The following LY75 variants were observed in gnomAD, a reference collection of about 807,000 sequenced individuals.
LY75 encodes lymphocyte antigen 75, also known as C-type lectin domain family 13 member B.
A neutral mutation model predicts 231.7 loss-of-function variants in LY75; 185 were observed. That is an observed-to-expected ratio of 0.80 (90% CI 0.71 to 0.90). The LOEUF (loss-of-function observed/expected upper bound fraction) is 0.90. Among genes scored for constraint, LY75 ranks in the 40% least tolerant of loss-of-function variants. The probability of loss-of-function intolerance (pLI) is 0.00; values close to 1 mark genes in which losing one functional copy is unlikely to be tolerated. For missense variants in LY75, 1,947 were observed against 2,050.2 expected (o/e 0.95, Z 0.97); for synonymous variants, 668 against 689.0 (o/e 0.97, Z 0.48).
At chr2:159,829,591 T>C (rs16844374) in intron 28 of LY75, among the ~76,000 whole-genome samples, 24,568 of 152,154 alleles carry the variant, frequency 0.16, 2,293 homozygotes, top group East Asian at 0.32. Flanking sequence ...GGCCCTGCTA[T>C]TGAAAAGTCA....
chr2:159,813,355 A>T (rs1683023896), intron 31 of LY75, among the ~76,000 whole-genome samples: 1 of 145,250 alleles, frequency 6.9e-6, no homozygotes, highest in Non-Finnish European at 1.5e-5. Flanking sequence ...TTGAAGATCC[A>T]GTTTTTAAAG....
Position 159,904,574 on chromosome 2 carries a change from C to T in LY75, c.94+15G>A, listed in dbSNP as rs1208781912. On this transcript the variant is annotated intron_variant, in intron 1 of 34. Transcript: ENST00000263636. Reference sequence around the variant, plus strand: ...GGCACCCAGCGGACTGCGGGGCTGGCGTGCCCGCGGTTACCTGCGCGGCCA... The same window carrying T: ...GGCACCCAGCGGACTGCGGGGCTGGTGTGCCCGCGGTTACCTGCGCGGCCA... 1 of 1,505,136 alleles carries T rather than the reference C, an allele frequency of 6.6e-7. No individual in the cohort carries two copies. Among genetic ancestry groups the T allele is most frequent in the South Asian group, 1.2e-5 (1 of 81,182 alleles). The allele number at this position is 1,505,136 out of a possible 1,614,324, so 93.2% of individuals were successfully genotyped here. A position where few individuals can be genotyped will look rare whatever the true frequency, so the allele number is the denominator to read the frequency against.
At chr2:159,883,051 T>C (rs537631446) in intron 6 of LY75, among the ~76,000 whole-genome samples, 1 of 149,088 alleles carries the variant, frequency 6.7e-6, no homozygotes, top group East Asian at 2.0e-4. Flanking sequence ...GTGAGTTGGT[T>C]ACTCAGACTT....
chr2:159,900,891 T>G (rs1198545936), intron 1 of LY75, among the ~76,000 whole-genome samples: 2 of 151,988 alleles, frequency 1.3e-5, no homozygotes, highest in African/African-American at 2.4e-5. Context: ...CAGGCTGGAG[T>G]GCAGTGGCAC....
chr2:159,864,963 C>CTGTAAAT, intron 13 of LY75, 43 bp from the exon 14 acceptor site: 1 of 1,548,352 alleles, frequency 6.5e-7, no homozygotes, highest in Non-Finnish European at 8.7e-7. Context: ...CAATGCTTGG[C>CTGTAAAT]AAAAATATTT....
intron 4 of LY75, among the ~76,000 whole-genome samples, chr2:159,888,710 G>A (rs1316834848): frequency 6.6e-6 from 1 of 152,158 alleles, no homozygotes; most frequent in Non-Finnish European, 1.5e-5. Context: ...AACAACCCAT[G>A]AGACCCATTT....
At chr2:159,806,890 C>G in intron 34 of LY75, 83 bp downstream of exon 34, 1 of 1,474,962 alleles carries the variant, frequency 6.8e-7, no homozygotes, top group Non-Finnish European at 9.0e-7. Flanking sequence ...AGACTAAATA[C>G]AGAATTTTGT....
chr2:159,840,285 T>C (rs967751973), intron 25 of LY75, among the ~76,000 whole-genome samples: 5 of 152,180 alleles, frequency 3.3e-5, no homozygotes, highest in African/African-American at 9.6e-5. Flanking sequence ...AAACCACATA[T>C]TGCTGCTAGG....
intron 20 of LY75, 99 bp downstream of exon 20, chr2:159,853,174 C>A: frequency 7.9e-7 from 1 of 1,259,430 alleles, no homozygotes; most frequent in Admixed American, 2.2e-5. Context: ...ATGAAATTAC[C>A]AAACATATAA....
At chr2:159,837,179 C>T (rs1272468565) in intron 25 of LY75, among the ~76,000 whole-genome samples, 1 of 152,168 alleles carries the variant, frequency 6.6e-6, no homozygotes, top group Non-Finnish European at 1.5e-5. Flanking sequence ...TACCAAAATA[C>T]ACCTGCGCTC....
At chr2:159,876,917 G>A (rs1429010558) in intron 11 of LY75, among the ~76,000 whole-genome samples, 1 of 143,854 alleles carries the variant, frequency 7.0e-6, no homozygotes, top group Non-Finnish European at 1.5e-5. Context: ...GCTGAGGCAG[G>A]AGAATTGTTT....
Position 159,819,760 on chromosome 2 carries a change from G to A in LY75, c.4119C>T (p.His1373=), listed in dbSNP as rs532499860. The A allele has an allele frequency of 2.5e-6, 4 of 1,613,442 alleles. No homozygotes were observed. Among genetic ancestry groups the A allele is most frequent in the Non-Finnish European group, 3.4e-6 (4 of 1,179,816 alleles). ...TTTTACAAGCAAGAATGCTGTGCTG[G>A]TGAAAATAAACTGCTTCTTCAATAA... ...FKVIEEAVYF[H]QHSILACKIE... Residue 1373 remains histidine, a synonymous_variant, in exon 29 of 35, where the codon CAC becomes CAT. Coordinates refer to ENST00000263636, the MANE Select transcript of LY75 (RefSeq NM_002349.4).
chr2:159,831,612 ATTATG>A (rs1683662887), intron 28 of LY75, 53 bp downstream of exon 28: 2 of 1,561,816 alleles, frequency 1.3e-6, no homozygotes, highest in Admixed American at 1.8e-5. Context: ...TGGCTTGATA[ATTATG>A]TTATAATGAA....
chr2:159,879,140 G>T, intron 9 of LY75, 119 bp downstream of exon 9: 4 of 1,160,042 alleles, frequency 3.4e-6, no homozygotes, highest in Non-Finnish European at 4.7e-6. Flanking sequence ...TAACTTAAAT[G>T]AACAGAAGCT....
At chr2:159,853,481 T>C (rs1281574342) in intron 19 of LY75, 129 bp from the exon 20 acceptor site, 12 of 1,461,500 alleles carry the variant, frequency 8.2e-6, no homozygotes, top group East Asian at 2.5e-5. Flanking sequence ...TTTTTCTTGA[T>C]GCTAACATGC....
At chr2:159,880,403 C>T (rs1685399006) in intron 8 of LY75, among the ~76,000 whole-genome samples, 1 of 152,138 alleles carries the variant, frequency 6.6e-6, no homozygotes, top group Non-Finnish European at 1.5e-5. Flanking sequence ...ACAATCTGAA[C>T]ATGAATTTGG....
Position 159,898,788 on chromosome 2 carries a change from C to A in LY75, c.366G>T (p.Arg122=). The change falls in exon 2 of 35, where the codon CGG becomes CGT. Residue 122 remains arginine, a synonymous_variant. Coordinates refer to ENST00000263636, the MANE Select transcript of LY75 (RefSeq NM_002349.4). Reference sequence around the variant, plus strand: ...TGCCATGTCCATCCTTCAGAGCCAGCCGGTACCGGGCAGCTCCGTACAGAG... The same window carrying A: ...TGCCATGTCCATCCTTCAGAGCCAGACGGTACCGGGCAGCTCCGTACAGAG... ...HHSLYGAARY[R]LALKDGHGTA... is the part of the protein sequence containing the mutation. 1 of 1,614,214 alleles carries A rather than the reference C, an allele frequency of 6.2e-7. No homozygotes were observed. The highest frequency in any genetic ancestry group is 8.5e-7 in the Non-Finnish European group (1 of 1,180,030).
At chr2:159,893,222 T>TC (rs202217767) in intron 3 of LY75, among the ~76,000 whole-genome samples, 1,570 of 152,298 alleles carry the variant, frequency 0.01, 15 homozygotes, top group Admixed American at 0.027. Flanking sequence ...TGAAGTTCCC[T>TC]CTGTTTCAAT....
chr2:159,876,840 T>C lies in LY75; in HGVS notation c.1775-1197A>G, dbSNP rs531525238. On this transcript the variant is annotated intron_variant, in intron 11 of 34. Coordinates refer to ENST00000263636, the MANE Select transcript of LY75 (RefSeq NM_002349.4). ...GGCCAAAATGGTGAAACTCCGTCTCTACTAAAAATACAAAAAAAATTAGCT... is the reference window on the plus strand; with the variant it reads ...GGCCAAAATGGTGAAACTCCGTCTCCACTAAAAATACAAAAAAAATTAGCT... 2.6e-5 allele frequency among the ~76,000 whole-genome samples: 4 copies of C among 151,554 alleles called. No homozygotes were observed. The East Asian group carries it at 7.8e-4, about 29-fold the overall frequency.
Sources: allele counts gnomAD v4.1 joint callset (sites outside exome capture counted in the v4.1 genomes callset), GRCh38; gene constraint gnomAD v4.1.1; transcripts MANE v1.5; gene names NCBI Gene and HGNC (gene_info 2026-07-23, HGNC 2026-07-21).